MACROD2: variants seen among roughly 807,000 people sequenced by gnomAD.
MACROD2 encodes mono-ADP ribosylhydrolase 2.
A neutral mutation model predicts 70.4 loss-of-function variants in MACROD2; 36 were observed. The observed-to-expected ratio is 0.51, with a 90% CI of 0.39 to 0.68. The LOEUF is 0.68. MACROD2 is among the 30% of genes least tolerant of loss of function. The probability of loss-of-function intolerance (pLI) is 0.00; values close to 1 mark genes in which losing one functional copy is unlikely to be tolerated. For synonymous variants in MACROD2, 172 were observed against 178.8 expected (o/e 0.96, Z 0.30); for missense variants, 496 against 538.4 (o/e 0.92, Z 0.78).
At chr20:15,230,538 A>G (rs1051597749) in intron 6 of MACROD2, among the ~76,000 whole-genome samples, 1 of 152,168 alleles carries the variant, frequency 6.6e-6, no homozygotes, top group Non-Finnish European at 1.5e-5. Context: ...ATCTGCAGGA[A>G]ATTACTCTGC....
rs1011545613 is a variant in MACROD2, at chr20:14,079,025, G to A, written c.164-6596G>A. 4.6e-5 allele frequency among the ~76,000 whole-genome samples: 7 copies of A among 152,082 alleles called. No individual in the cohort carries two copies. In the East Asian group the frequency reaches 1.3e-3, roughly 29 times the overall value. ...TATTATTTAAATATTTAAATATTGT[G>A]TGTCACAAAAATAACCAAATTCCCT... On this transcript the variant is annotated intron_variant, in intron 2 of 17. Coordinates refer to ENST00000684519, the MANE Select transcript of MACROD2 (RefSeq NM_001351661.2).
intron 3 of MACROD2, among the ~76,000 whole-genome samples, chr20:14,190,757 G>A (rs1294231129): frequency 7.8e-6 from 1 of 128,874 alleles, no homozygotes. Flanking sequence ...ACCCAGGCTG[G>A]AGTGCAGTGG....
intron 4 of MACROD2, among the ~76,000 whole-genome samples, chr20:14,576,819 A>AACACAAATTATACACACAAATT (rs2123334439): frequency 1.3e-5 from 2 of 152,364 alleles, no homozygotes; most frequent in East Asian, 3.9e-4. Context: ...TATTGGAAGA[A>AACACAAATTATACACACAAATT]ATAATGCTTT....
intron 13 of MACROD2, among the ~76,000 whole-genome samples, chr20:15,975,031 GA>G (rs1297122417): frequency 3.3e-5 from 5 of 150,974 alleles, no homozygotes; most frequent in Non-Finnish European, 7.4e-5. Flanking sequence ...TTTTTTATTT[GA>G]AAAAAAAGTG....
intron 5 of MACROD2, among the ~76,000 whole-genome samples, chr20:15,187,991 C>T (rs1317747471): frequency 6.6e-6 from 1 of 152,184 alleles, no homozygotes; most frequent in Non-Finnish European, 1.5e-5. Context: ...CATCCATCCC[C>T]TACACACGAA....
At chr20:14,311,602 C>T (rs1023013978) in intron 3 of MACROD2, among the ~76,000 whole-genome samples, 2 of 152,184 alleles carry the variant, frequency 1.3e-5, no homozygotes, top group Non-Finnish European at 2.9e-5. Flanking sequence ...ACTGCAACCT[C>T]TGCCTCCTGG....
chr20:14,566,305 T>A (rs79797779), intron 4 of MACROD2, among the ~76,000 whole-genome samples: 3,564 of 152,004 alleles, frequency 0.023, 60 homozygotes, highest in Admixed American at 0.037. Flanking sequence ...CGTATTTCTG[T>A]AGTCCTAGCT....
chr20:14,476,981 T>G (rs536123713), intron 3 of MACROD2, among the ~76,000 whole-genome samples: 1 of 152,194 alleles, frequency 6.6e-6, no homozygotes, highest in Non-Finnish European at 1.5e-5. Flanking sequence ...TAATTGAGAC[T>G]GTCAGTCTCT....
In MACROD2 at chr20:15,118,845, G is replaced by A. The variant is rs2076010567; in HGVS notation, c.419-111095G>A. On this transcript the variant is annotated intron_variant, in intron 5 of 17. Coordinates refer to ENST00000684519, the MANE Select transcript of MACROD2 (RefSeq NM_001351661.2). The stretch of plus-strand genomic sequence containing the variant: ...GCTTTTATACTTTGTTGGAAATACA[G>A]CCACTTCCAGAGAGAATTTGGCATT... 3.9e-5 allele frequency among the ~76,000 whole-genome samples: 6 copies of A among 152,276 alleles called. No individual in the cohort carries two copies. In the South Asian group the frequency reaches 1.0e-3, roughly 26 times the overall value.
At chr20:14,948,635 C>A (rs2423869) in intron 5 of MACROD2, among the ~76,000 whole-genome samples, 6,999 of 152,208 alleles carry the variant, frequency 0.046, 268 homozygotes, top group African/African-American at 0.1. Context: ...ACCTGTGGTA[C>A]TGCAAGCTCT....
intron 5 of MACROD2, among the ~76,000 whole-genome samples, chr20:14,862,986 A>G (rs1163280834): frequency 6.6e-6 from 1 of 151,850 alleles, no homozygotes; most frequent in East Asian, 1.9e-4. Context: ...GAAGATGGGC[A>G]GTGACTACAC....
At chr20:15,879,676 C>G (rs2064726178) in intron 9 of MACROD2, among the ~76,000 whole-genome samples, 1 of 152,068 alleles carries the variant, frequency 6.6e-6, no homozygotes, top group African/African-American at 2.4e-5. Flanking sequence ...GTATATTAGT[C>G]AGGTTTTTGC....
chr20:15,116,679 T>G (rs1285336797), intron 5 of MACROD2, among the ~76,000 whole-genome samples: 1 of 152,214 alleles, frequency 6.6e-6, no homozygotes, highest in Non-Finnish European at 1.5e-5. Flanking sequence ...CTATTCCTTA[T>G]GATTTTCTTA....
At chr20:15,630,712 G>A (rs1333100565) in intron 8 of MACROD2, among the ~76,000 whole-genome samples, 5 of 152,190 alleles carry the variant, frequency 3.3e-5, no homozygotes, top group African/African-American at 4.8e-5. Flanking sequence ...CCCTTTGGCC[G>A]TGCACAAAAT....
chr20:14,051,310 C>T (rs1238620347), intron 2 of MACROD2, among the ~76,000 whole-genome samples: 1 of 152,158 alleles, frequency 6.6e-6, no homozygotes, highest in African/African-American at 2.4e-5. Context: ...AGGAGAGCAA[C>T]ATGAGGGTAG....
chr20:14,394,822 A>G (rs1372326128), intron 3 of MACROD2, among the ~76,000 whole-genome samples: 1 of 152,156 alleles, frequency 6.6e-6, no homozygotes, highest in African/African-American at 2.4e-5. Flanking sequence ...GGATTTTGTC[A>G]AATGCTTTTA....
chr20:14,075,948 G>C (rs2053911052), intron 2 of MACROD2, among the ~76,000 whole-genome samples: 1 of 152,112 alleles, frequency 6.6e-6, no homozygotes, highest in East Asian at 1.9e-4. Context: ...GCCTCCATAA[G>C]ATTACATGGG....
At chr20:14,071,278 T>TTTTTTTTTTTTG (rs2053837190) in intron 2 of MACROD2, among the ~76,000 whole-genome samples, 1 of 133,376 alleles carries the variant, frequency 7.5e-6, no homozygotes, top group Non-Finnish European at 1.6e-5. Context: ...TTTTTTTTTT[T>TTTTTTTTTTTTG]GAGATGGAGT....
chr20:14,502,575 C>T (rs562699884), intron 4 of MACROD2, among the ~76,000 whole-genome samples: 2 of 152,254 alleles, frequency 1.3e-5, no homozygotes, highest in South Asian at 2.1e-4. Flanking sequence ...TAATTGCCCA[C>T]TGTAAAATGT....
Sources: gnomAD v4.1 joint callset for allele counts (sites outside exome capture counted in the v4.1 genomes callset) on GRCh38, gnomAD v4.1.1 for gene constraint, MANE v1.5 for transcripts, NCBI Gene and HGNC (gene_info 2026-07-23, HGNC 2026-07-21) for gene names.